Variants in ZNF778 observed in about 807,000 individuals in gnomAD.
ZNF778 encodes zinc finger protein 778.
ZNF778 carries 37 observed loss-of-function variants against 23.9 expected under a neutral mutation model. That is an observed-to-expected ratio of 1.54 (90% confidence interval 1.19 to 2.03). ZNF778 has a LOEUF of 2.03. Among genes scored for constraint, ZNF778 ranks in the 30% most tolerant of loss-of-function variants. ZNF778 has a pLI of 0.00. For synonymous variants in ZNF778, 483 were observed against 343.9 expected (o/e 1.40, Z -4.48); for missense variants, 1,297 against 934.4 (o/e 1.39, Z -5.06).
intron 3 of ZNF778, 87 bp from the exon 4 acceptor site, chr16:89,223,070 C>T: frequency 1.3e-6 from 2 of 1,492,912 alleles, no homozygotes; most frequent in Admixed American, 4.5e-5. Flanking sequence ...CTCACAGTCC[C>T]ATAGGCGTAG....
At chr16:89,222,250 C>G (rs1161741390) in intron 3 of ZNF778, 67 bp downstream of exon 3, 18 of 1,292,688 alleles carry the variant, frequency 1.4e-5, no homozygotes, top group African/African-American at 4.4e-5. Flanking sequence ...AAGTTTCTGT[C>G]TGAGCAGACT....
Position 89,225,632 on chromosome 16 carries a change from G to A in ZNF778, c.405+1G>A. Reference sequence around the variant, plus strand: ...CAGAGCATCAAATGAGACACAGACGGTAAGATTAACAAGAGAGATTTTTTT... The same window carrying A: ...CAGAGCATCAAATGAGACACAGACGATAAGATTAACAAGAGAGATTTTTTT... On this transcript the variant is annotated splice_donor_variant, in intron 6 of 6. Coordinates refer to ENST00000433976, the MANE Select transcript of ZNF778 (RefSeq NM_001201407.2). LOFTEE classifies it high-confidence loss of function. 2 of 1,611,216 alleles carry A rather than the reference G, an allele frequency of 1.2e-6. No homozygotes were observed.
At position 89,225,659 on chromosome 16, in the gene ZNF778, T is replaced by G. The variant is rs758277847; in HGVS notation, c.405+28T>G. 1.8e-5 allele frequency: 28 copies of G among 1,571,370 alleles called. No homozygotes were observed. The South Asian group carries it at 3.2e-4, about 18-fold the overall frequency. ...AAGATTAACAAGAGAGATTTTTTTATTTATCACACTCATAAAAGATTGGGA... is the reference window on the plus strand; with the variant it reads ...AAGATTAACAAGAGAGATTTTTTTAGTTATCACACTCATAAAAGATTGGGA... On this transcript the variant is annotated intron_variant, in intron 6 of 6. Coordinates refer to ENST00000433976, the MANE Select transcript of ZNF778 (RefSeq NM_001201407.2).
Position 89,224,751 on chromosome 16 carries a change from T to TGGCTGGAGCAGGAAGAGGAGTTGA in ZNF778, c.280_303dup (p.Leu94_Arg101dup). The TGGCTGGAGCAGGAAGAGGAGTTGA allele has an allele frequency of 6.5e-7, 1 of 1,535,322 alleles. No homozygotes were observed. Among genetic ancestry groups the TGGCTGGAGCAGGAAGAGGAGTTGA allele is most frequent in the Non-Finnish European group, 8.7e-7 (1 of 1,146,592 alleles). ...CCTGTTCCAACCCAGTGTGATCTAT[T>TGGCTGGAGCAGGAAGAGGAGTTGA]GGCTGGAGCAGGAAGAGGAGTTGAG... is the stretch of plus-strand genomic sequence containing the variant. On this transcript the variant is annotated inframe_insertion, in exon 5 of 7. Coordinates refer to ENST00000433976, the MANE Select transcript of ZNF778 (RefSeq NM_001201407.2).
Position 89,234,351 on chromosome 16 carries a change from A to C in ZNF778, c.*5789A>C, listed in dbSNP as rs571624848. 3 of 299,496 alleles carry C rather than the reference A, an allele frequency of 1.0e-5. No individual in the cohort carries two copies. Among genetic ancestry groups the C allele is most frequent in the South Asian group, 6.2e-5 (2 of 32,288 alleles). The allele number at this position is 299,496 out of a possible 1,614,324, so 18.6% of individuals were successfully genotyped here. Reference sequence around the variant, plus strand: ...CTCTACTCGTTCAACCTTCTTAGGGAGTGACGTTTTTTCCAAAGTGGTTGT... The same window carrying C: ...CTCTACTCGTTCAACCTTCTTAGGGCGTGACGTTTTTTCCAAAGTGGTTGT... On this transcript the variant is annotated 3_prime_UTR_variant, in exon 7 of 7. Transcript: ENST00000433976.
Position 89,224,808 on chromosome 16 carries a change from T to C in ZNF778, c.328+6T>C. ...GCGGAGAGCAGTTCTCCAAGGTAAG[T>C]GTGAAGAGCACGCCTGGTCGATGTC... On this transcript the variant is annotated splice_donor_region_variant and intron_variant, in intron 5 of 6. Transcript: ENST00000433976. 1 of 1,525,392 alleles carries C rather than the reference T, an allele frequency of 6.6e-7. No homozygotes were observed. Among genetic ancestry groups the C allele is most frequent in the Non-Finnish European group, 8.8e-7 (1 of 1,139,024 alleles). 94.5% of individuals were successfully genotyped at this position (1,525,392 alleles called of 1,614,324 possible).
At position 89,227,173 on chromosome 16, in the gene ZNF778, C is replaced by T. The variant is rs750776540; in HGVS notation, c.885C>T (p.Tyr295=). ...GGAAGGCCTTTAGGTACACTGCCTA[C>T]CTTACTGGTCGCGTGCAAGTCCACC... ...ECGKAFRYTA[Y]LTGRVQVHPG... is the part of the protein sequence containing the mutation. The change falls in exon 7 of 7, where the codon TAC becomes TAT. Residue 295 remains tyrosine, a synonymous_variant. Coordinates refer to ENST00000433976, the MANE Select transcript of ZNF778 (RefSeq NM_001201407.2). 2.2e-5 allele frequency: 35 copies of T among 1,613,874 alleles called. No individual in the cohort carries two copies. Among genetic ancestry groups the T allele is most frequent in the Non-Finnish European group, 2.5e-5 (30 of 1,179,876 alleles).
In ZNF778 at chr16:89,232,683, C is replaced by G; in HGVS notation, c.*4121C>G. On this transcript the variant is annotated 3_prime_UTR_variant, in exon 7 of 7. Coordinates refer to ENST00000433976, the MANE Select transcript of ZNF778 (RefSeq NM_001201407.2). ...TTAGGGTACATTTTCATCCTGGGGT[C>G]TTGCTGTGGGGGCTAGACCGTCCCT... 1 of 1,239,406 alleles carries G rather than the reference C, an allele frequency of 8.1e-7. No individual in the cohort carries two copies. Among genetic ancestry groups the G allele is most frequent in the African/African-American group, 1.5e-5 (1 of 64,790 alleles). 76.8% of individuals were successfully genotyped at this position (1,239,406 alleles called of 1,614,324 possible). A position where few individuals can be genotyped will look rare whatever the true frequency, so the allele number is the denominator to read the frequency against.
rs2031722411 is a variant in ZNF778 at position 89,228,619 on chromosome 16, A to C, written c.*57A>C. 1.3e-6 allele frequency: 2 copies of C among 1,522,668 alleles called. No individual in the cohort carries two copies. Among genetic ancestry groups the C allele is most frequent in the African/African-American group, 2.8e-5 (2 of 71,946 alleles). 94.3% of individuals were successfully genotyped at this position (1,522,668 alleles called of 1,614,324 possible). ...CTCATTCACGTTGAAGACATGAAAG[A>C]CCTCTCGTTCTCCAGATGTCCATGA... On this transcript the variant is annotated 3_prime_UTR_variant, in exon 7 of 7. Coordinates refer to ENST00000433976, the MANE Select transcript of ZNF778 (RefSeq NM_001201407.2).
At position 89,227,184 on chromosome 16, in the gene ZNF778, G is replaced by T. The variant is rs183870297; in HGVS notation, c.896G>T (p.Arg299Leu). The change falls in exon 7 of 7, where the codon CGC (arginine) becomes CTC (leucine). Residue 299 changes from arginine (R) to leucine (L), a missense_variant. Transcript: ENST00000433976. ...AFRYTAYLTG[R>L]VQVHPGEKPC... ...AGGTACACTGCCTACCTTACTGGTC[G>T]CGTGCAAGTCCACCCTGGGGAAAAG... The T allele has an allele frequency of 6.2e-7, 1 of 1,613,826 alleles. No individual in the cohort carries two copies. The highest frequency in any genetic ancestry group is 1.3e-5 in the African/African-American group (1 of 74,914).
At position 89,227,555 on chromosome 16, in the gene ZNF778, T is replaced by C. The variant is rs1263457119; in HGVS notation, c.1267T>C (p.Cys423Arg). 1.9e-6 allele frequency: 3 copies of C among 1,614,196 alleles called. No individual in the cohort carries two copies. Among genetic ancestry groups the C allele is most frequent in the South Asian group, 1.1e-5 (1 of 91,088 alleles). The change falls in exon 7 of 7, where the codon TGC becomes CGC. Residue 423 changes from cysteine (C) to arginine (R), a missense_variant. Physicochemically the swap from Cys to Arg is radical, Grantham distance 180 (BLOSUM62 -3). Transcript: ENST00000433976. ...RIHTGIKPYTCSYCGKAFTVR... is the reference protein window; with the variant it reads ...RIHTGIKPYTRSYCGKAFTVR... ...TCACACTGGAATAAAACCCTATACATGCAGCTACTGTGGGAAGGCCTTCAC... is the reference window on the plus strand; with the variant it reads ...TCACACTGGAATAAAACCCTATACACGCAGCTACTGTGGGAAGGCCTTCAC...
intron 6 of ZNF778, 115 bp downstream of exon 6, chr16:89,225,746 G>A (rs2031420559): frequency 2.1e-6 from 2 of 956,436 alleles, no homozygotes; most frequent in Admixed American, 4.8e-5. Context: ...CACTCAGGCA[G>A]GGGTTGTCTG....
chr16:89,228,270 T>C lies in ZNF778; in HGVS notation c.1982T>C (p.Ile661Thr), dbSNP rs201710333. 464 of 1,605,300 alleles carry C rather than the reference T, an allele frequency of 2.9e-4. 1 individual carries two copies. The highest frequency in any genetic ancestry group is 3.4e-4 in the Non-Finnish European group (401 of 1,173,194). The change falls in exon 7 of 7, where the codon ATC becomes ACC. Residue 661 changes from isoleucine (I) to threonine (T), a missense_variant. By Grantham distance (89) the Ile-to-Thr change is moderately conservative. Transcript: ENST00000433976. ...GCCTTTGCTTCCTCCTCACACCTTA[T>C]CGAACACAGAAGGACTCACACAGGA... is the stretch of plus-strand genomic sequence containing the variant. ...GKAFASSSHL[I>T]EHRRTHTGEK...
chr16:89,220,153 C>G (rs116036947), intron 1 of ZNF778, among the ~76,000 whole-genome samples: 27 of 152,294 alleles, frequency 1.8e-4, no homozygotes, highest in African/African-American at 6.5e-4. Context: ...CAGGTGACAA[C>G]AAAGTCAACA....
intron 1 of ZNF778, 33 bp from the exon 2 acceptor site, chr16:89,220,964 T>C: frequency 1.4e-6 from 1 of 699,980 alleles, no homozygotes; most frequent in Non-Finnish European, 2.4e-6. Context: ...GTTTGATAAC[T>C]GGGAAGTAAT....
rs2031820069 is a variant in ZNF778 at position 89,229,886 on chromosome 16, T to G, written c.*1324T>G. The G allele has an allele frequency of 3.1e-6, 3 of 983,190 alleles. No individual in the cohort carries two copies. In the South Asian group the frequency reaches 1.4e-4, roughly 46 times the overall value. The allele number at this position is 983,190 out of a possible 1,614,324, so 60.9% of individuals were successfully genotyped here. A position where few individuals can be genotyped will look rare whatever the true frequency, so the allele number is the denominator to read the frequency against. ...AGTCTTGAGGATCCAGATGTGATCC[T>G]GTGTGAGCAGCGTAGGCTCTGGTTG... On this transcript the variant is annotated 3_prime_UTR_variant, in exon 7 of 7. Coordinates refer to ENST00000433976, the MANE Select transcript of ZNF778 (RefSeq NM_001201407.2).
rs1214440409 is a variant in ZNF778, at chr16:89,231,056, G to A, written c.*2494G>A. 2 of 148,688 alleles carry A rather than the reference G, an allele frequency of 1.3e-5. No homozygotes were observed. Among genetic ancestry groups the A allele is most frequent in the Admixed American group, 1.3e-4 (2 of 15,006 alleles). The allele number at this position is 148,688 out of a possible 1,614,324, so 9.2% of individuals were successfully genotyped here. A position where few individuals can be genotyped will look rare whatever the true frequency, so the allele number is the denominator to read the frequency against. On this transcript the variant is annotated 3_prime_UTR_variant, in exon 7 of 7. Coordinates refer to ENST00000433976, the MANE Select transcript of ZNF778 (RefSeq NM_001201407.2). ...GTGTTTGAAATTCTGGATGGACAGAGCCATGCACCTTCATGTTACGTGTTT... is the reference window on the plus strand; with the variant it reads ...GTGTTTGAAATTCTGGATGGACAGAACCATGCACCTTCATGTTACGTGTTT...
Position 89,226,686 on chromosome 16 carries a change from A to G in ZNF778, c.406-8A>G. 6.2e-7 allele frequency: 1 copy of G among 1,602,598 alleles called. No homozygotes were observed. The highest frequency in any genetic ancestry group is 8.5e-7 in the Non-Finnish European group (1 of 1,172,836). On this transcript the variant is annotated splice_region_variant and splice_polypyrimidine_tract_variant and intron_variant, in intron 6 of 6. Coordinates refer to ENST00000433976, the MANE Select transcript of ZNF778 (RefSeq NM_001201407.2). ...ACCCCCTGACCACCACTCATTCTTC[A>G]CCAACAGGCAAGAAGCCACAATGGA...
At position 89,236,717 on chromosome 16, in the gene ZNF778, T is replaced by C. The variant is rs1020126158; in HGVS notation, c.*8155T>C. 6.6e-6 allele frequency: 1 copy of C among 152,236 alleles called. No individual in the cohort carries two copies. The highest frequency in any genetic ancestry group is 1.5e-5 in the Non-Finnish European group (1 of 68,052). The allele number at this position is 152,236 out of a possible 1,614,324, so 9.4% of individuals were successfully genotyped here. ...CGGCGTGGAGGTTCCGTGCTCCATT[T>C]CAGTGGCAAAATACCATTCCAGAAG... On this transcript the variant is annotated 3_prime_UTR_variant, in exon 7 of 7. Coordinates refer to ENST00000433976, the MANE Select transcript of ZNF778 (RefSeq NM_001201407.2).
Sources: gnomAD v4.1 joint callset for allele counts (sites outside exome capture counted in the v4.1 genomes callset) on GRCh38, gnomAD v4.1.1 for gene constraint, MANE v1.5 for transcripts, NCBI Gene and HGNC (gene_info 2026-07-23, HGNC 2026-07-21) for gene names.